The following NAV3 variants were observed in gnomAD, a reference collection of about 807,000 sequenced individuals.
The protein encoded by NAV3 is pore membrane and/or filament interacting like protein 1.
Under a neutral mutation model 244.7 loss-of-function variants are expected in NAV3, and 87 were observed. The ratio of observed to expected loss-of-function variants is 0.36; its 90% CI spans 0.30 to 0.42. The LOEUF (loss-of-function observed/expected upper bound fraction) is 0.42, where lower values mean the gene tolerates loss of function less well. Ranked by LOEUF, NAV3 falls within the 20% of genes least tolerant of loss-of-function variation. The pLI, the probability that NAV3 is intolerant of heterozygous loss-of-function variation, is 1.00. For synonymous variants in NAV3, 1,126 were observed against 1,042.2 expected (o/e 1.08, Z -1.55); for missense variants, 2,663 against 2,893.3 (o/e 0.92, Z 1.83).
At chr12:78,069,162 T>C (rs774001057) in intron 12 of NAV3, among the ~76,000 whole-genome samples, 22 of 152,082 alleles carry the variant, frequency 1.4e-4, no homozygotes, top group Non-Finnish European at 2.8e-4. Flanking sequence ...TTGCTTGACT[T>C]AATTTGCATT....
intron 2 of NAV3, 121 bp from the exon 3 acceptor site, chr12:77,940,960 T>G: frequency 1.5e-6 from 1 of 659,172 alleles, no homozygotes. Context: ...AGACAGAATA[T>G]ATGTAGCAGG....
chr12:77,989,223 A>G (rs2086229), intron 5 of NAV3, among the ~76,000 whole-genome samples: 56,368 of 151,882 alleles, frequency 0.37, 11,317 homozygotes, highest in South Asian at 0.44. Context: ...TGAAAAGACA[A>G]AAACAAGGAG....
intron 16 of NAV3, among the ~76,000 whole-genome samples, chr12:78,124,019 A>C (rs953079000): frequency 7.9e-5 from 12 of 152,234 alleles, no homozygotes; most frequent in African/African-American, 2.9e-4. Context: ...ATATGTAAGG[A>C]TTCTAAATAT....
At chr12:78,025,861 A>G (rs181883974) in intron 9 of NAV3, among the ~76,000 whole-genome samples, 57 of 152,322 alleles carry the variant, frequency 3.7e-4, no homozygotes, top group Non-Finnish European at 7.1e-4. Context: ...GAGTGGAAGC[A>G]GTCTGAAGCC....
chr12:78,054,159 T>C (rs1221878880), intron 11 of NAV3, among the ~76,000 whole-genome samples: 1 of 152,172 alleles, frequency 6.6e-6, no homozygotes, highest in African/African-American at 2.4e-5. Flanking sequence ...TTTTAGTTAT[T>C]TTTTCTGATT....
intron 1 of NAV3, among the ~76,000 whole-genome samples, chr12:77,895,541 G>A (rs1884494915): frequency 6.6e-6 from 1 of 151,868 alleles, no homozygotes; most frequent in Non-Finnish European, 1.5e-5. Flanking sequence ...TATTATTTTT[G>A]CTTTGATTTT....
At chr12:77,709,500 A>G (rs897799547) in intron 2 of NAV3, among the ~76,000 whole-genome samples, 3 of 152,204 alleles carry the variant, frequency 2.0e-5, no homozygotes, top group African/African-American at 7.2e-5. Context: ...TTCTGTAAAT[A>G]AATTTAATAA....
At chr12:78,001,357 C>A (rs559353414) in intron 7 of NAV3, among the ~76,000 whole-genome samples, 2 of 152,234 alleles carry the variant, frequency 1.3e-5, no homozygotes, top group Non-Finnish European at 2.9e-5. Context: ...TCCTCGAATG[C>A]TTTTAAGTGG....
chr12:77,730,956 A>T (rs949894308), intron 2 of NAV3, among the ~76,000 whole-genome samples: 1 of 151,948 alleles, frequency 6.6e-6, no homozygotes, highest in Non-Finnish European at 1.5e-5. Context: ...AAGGAAAATG[A>T]TTGCCAACCT....
chr12:77,662,794 G>A (rs1873524442), intron 2 of NAV3, among the ~76,000 whole-genome samples: 1 of 151,936 alleles, frequency 6.6e-6, no homozygotes, highest in Non-Finnish European at 1.5e-5. Flanking sequence ...TAGACAATGT[G>A]CAGAAAAAAA....
chr12:77,657,724 C>G (rs1005868023), intron 2 of NAV3, among the ~76,000 whole-genome samples: 3 of 152,180 alleles, frequency 2.0e-5, no homozygotes, highest in African/African-American at 7.2e-5. Context: ...TACTGGCAAA[C>G]TGAATCCAGC....
At chr12:77,824,698 G>T (rs1469382793) in intron 2 of NAV3, among the ~76,000 whole-genome samples, 1 of 151,924 alleles carries the variant, frequency 6.6e-6, no homozygotes, top group Non-Finnish European at 1.5e-5. Flanking sequence ...TTTGAGACCA[G>T]CCTGGCCAAT....
chr12:77,843,318 T>G (rs948462079), intron 1 of NAV3, among the ~76,000 whole-genome samples: 1 of 152,142 alleles, frequency 6.6e-6, no homozygotes, highest in African/African-American at 2.4e-5. Flanking sequence ...ACTATTTCGG[T>G]AAATGTAAAC....
intron 2 of NAV3, among the ~76,000 whole-genome samples, chr12:77,601,587 G>A (rs565580212): frequency 6.6e-6 from 1 of 152,092 alleles, no homozygotes; most frequent in East Asian, 1.9e-4. Flanking sequence ...TGCATAGTAA[G>A]GAGTGGTAAG....
At chr12:78,059,496 T>G (rs1202195703) in intron 12 of NAV3, among the ~76,000 whole-genome samples, 1 of 151,992 alleles carries the variant, frequency 6.6e-6, no homozygotes, top group Non-Finnish European at 1.5e-5. Flanking sequence ...ACCATGTTGG[T>G]CAGGATGGTC....
chr12:78,136,059 G>T (rs1165565783), intron 18 of NAV3, among the ~76,000 whole-genome samples: 1 of 151,984 alleles, frequency 6.6e-6, no homozygotes, highest in Non-Finnish European at 1.5e-5. Context: ...GTTACCTCTG[G>T]GTTTACTTTT....
chr12:78,180,356 A>G (rs958558888), intron 29 of NAV3, among the ~76,000 whole-genome samples: 2 of 152,058 alleles, frequency 1.3e-5, no homozygotes, highest in Non-Finnish European at 2.9e-5. Context: ...TTGTTTTTTT[A>G]TGAGCTTAGT....
chr12:78,106,133 A>G (rs2138303940), intron 12 of NAV3, among the ~76,000 whole-genome samples: 1 of 152,038 alleles, frequency 6.6e-6, no homozygotes, highest in East Asian at 1.9e-4. Context: ...AAGAAAAAGT[A>G]TAATTGCCTT....
At chr12:77,839,855 AG>A (rs1875318859) in intron 1 of NAV3, among the ~76,000 whole-genome samples, 1 of 152,136 alleles carries the variant, frequency 6.6e-6, no homozygotes. Flanking sequence ...GGATCACCTG[AG>A]GTCAGGAGTT....
Sources: gnomAD v4.1 joint callset for allele counts (sites outside exome capture counted in the v4.1 genomes callset) on GRCh38, gnomAD v4.1.1 for gene constraint, MANE v1.5 for transcripts, NCBI Gene and HGNC (gene_info 2026-07-23, HGNC 2026-07-21) for gene names.